The following TMEM44 variants were observed in gnomAD, a reference collection of about 807,000 sequenced individuals.
The protein encoded by TMEM44 is transmembrane protein 44.
TMEM44 carries 43 observed loss-of-function variants against 47.8 expected under a neutral mutation model. That is an observed-to-expected ratio of 0.90 (90% confidence interval 0.70 to 1.16). TMEM44 has a LOEUF of 1.16. Among genes scored for constraint, TMEM44 ranks in the 50% most tolerant of loss-of-function variants. The pLI, the probability that TMEM44 is intolerant of heterozygous loss-of-function variation, is 0.00. For synonymous variants in TMEM44, 277 were observed against 238.8 expected (o/e 1.16, Z -1.48); for missense variants, 568 against 555.2 (o/e 1.02, Z -0.23).
At chr3:194,596,951 A>C (rs1433033042) in intron 9 of TMEM44, 1 of 152,290 alleles carries the variant, frequency 6.6e-6, no homozygotes, top group African/African-American at 2.4e-5. Context: ...GAGAACAAGC[A>C]GTTGGGTTAT....
chr3:194,603,017 C>T (rs751350314), intron 9 of TMEM44, among the ~76,000 whole-genome samples: 31 of 152,306 alleles, frequency 2.0e-4, no homozygotes, highest in Non-Finnish European at 3.7e-4. Context: ...AAACTCATAA[C>T]GGAAGACAGT....
chr3:194,593,016 A>G, intron 9 of TMEM44: 5 of 1,613,598 alleles, frequency 3.1e-6, no homozygotes, highest in Non-Finnish European at 4.2e-6. Flanking sequence ...CCCTCCTGGA[A>G]GAGAAAGAGC....
chr3:194,593,268 T>G (rs1026722027), intron 9 of TMEM44, among the ~76,000 whole-genome samples: 1 of 152,100 alleles, frequency 6.6e-6, no homozygotes, highest in Non-Finnish European at 1.5e-5. Flanking sequence ...TTTAGTTAAA[T>G]GATCAATGAG....
chr3:194,620,887 C>T (rs1037142336), intron 5 of TMEM44, among the ~76,000 whole-genome samples: 1 of 151,996 alleles, frequency 6.6e-6, no homozygotes. Context: ...ATTAGCCGGG[C>T]GTGGTGGCGT....
At chr3:194,590,411 C>T (rs574676022) in intron 9 of TMEM44, among the ~76,000 whole-genome samples, 142 of 152,330 alleles carry the variant, frequency 9.3e-4, no homozygotes, top group Admixed American at 2.7e-3. Context: ...GTGAGAACAT[C>T]GCATTAACTT....
chr3:194,592,881 A>G (rs1031519878), intron 9 of TMEM44, among the ~76,000 whole-genome samples: 2 of 152,022 alleles, frequency 1.3e-5, no homozygotes, highest in African/African-American at 2.4e-5. Flanking sequence ...CCAAAGTGCT[A>G]GGATTACAGG....
At chr3:194,596,211 GT>G (rs1713391659) in intron 9 of TMEM44, among the ~76,000 whole-genome samples, 2 of 152,078 alleles carry the variant, frequency 1.3e-5, no homozygotes, top group South Asian at 2.1e-4. Flanking sequence ...GGGGTCGAGT[GT>G]TGGAAAATCC....
intron 9 of TMEM44, among the ~76,000 whole-genome samples, chr3:194,589,314 A>G (rs996649236): frequency 8.5e-5 from 13 of 152,144 alleles, no homozygotes; most frequent in Admixed American, 7.9e-4. Flanking sequence ...CCTATTCTTT[A>G]TGGGCCAGGT....
At chr3:194,623,353 G>T in intron 4 of TMEM44, 43 bp from the exon 5 acceptor site, 1 of 1,559,596 alleles carries the variant, frequency 6.4e-7, no homozygotes, top group Non-Finnish European at 8.7e-7. Context: ...ACTCTGCAGA[G>T]ACTGCCCATG....
intron 1 of TMEM44, 51 bp downstream of exon 1, chr3:194,633,028 A>G: frequency 4.8e-6 from 4 of 833,322 alleles, no homozygotes; most frequent in Non-Finnish European, 5.1e-6. Context: ...GCAGCAGGGG[A>G]TTGGCGCCCG....
At chr3:194,625,259 C>T (rs1262388735) in intron 3 of TMEM44, among the ~76,000 whole-genome samples, 1 of 152,194 alleles carries the variant, frequency 6.6e-6, no homozygotes, top group Non-Finnish European at 1.5e-5. Flanking sequence ...CTCCACACCT[C>T]CTCCTAGCCT....
Position 194,608,725 on chromosome 3 carries a change from G to A in TMEM44, c.1017+2191C>T, listed in dbSNP as rs112997383. Among the ~76,000 whole-genome samples, 481 of 152,238 alleles carry A rather than the reference G, an allele frequency of 3.2e-3. 2 individuals are homozygous for A. The highest frequency in any genetic ancestry group is 5.9e-3 in the African/African-American group (244 of 41,550). On this transcript the variant is annotated intron_variant, in intron 8 of 9. Transcript: ENST00000347147. ...AGCTAGACAGGAGTGAACAGGAGACGAGAGATGGGGTCTCGCTATGTGGTC... is the reference window on the plus strand; with the variant it reads ...AGCTAGACAGGAGTGAACAGGAGACAAGAGATGGGGTCTCGCTATGTGGTC...
At chr3:194,605,754 TCA>T (rs1382907267) in intron 8 of TMEM44, among the ~76,000 whole-genome samples, 2 of 152,208 alleles carry the variant, frequency 1.3e-5, no homozygotes, top group Non-Finnish European at 2.9e-5. Flanking sequence ...TCTCTGAGTC[TCA>T]GTTTCCTCAT....
At position 194,588,189 on chromosome 3, in the gene TMEM44, T is replaced by C. The variant is rs113095496; in HGVS notation, c.*340A>G. 13 of 245,574 alleles carry C rather than the reference T, an allele frequency of 5.3e-5. No homozygotes were observed. The highest frequency in any genetic ancestry group is 2.7e-4 in the African/African-American group (12 of 43,816). 15.2% of individuals were successfully genotyped at this position (245,574 alleles called of 1,614,324 possible). On this transcript the variant is annotated 3_prime_UTR_variant, in exon 10 of 10. Coordinates refer to ENST00000347147, the MANE Select transcript of TMEM44 (RefSeq NM_001011655.3). Reference sequence around the variant, plus strand: ...GTTAGGTGAGCTCATTCCTGGAACCTAGCAGGTATTCCGTTCATGGCTGAC... The same window carrying C: ...GTTAGGTGAGCTCATTCCTGGAACCCAGCAGGTATTCCGTTCATGGCTGAC...
chr3:194,598,893 C>A (rs1290965855), intron 9 of TMEM44, among the ~76,000 whole-genome samples: 1 of 151,972 alleles, frequency 6.6e-6, no homozygotes, highest in Admixed American at 6.6e-5. Context: ...GCCCACAGGC[C>A]CCGACAGTGG....
intron 2 of TMEM44, among the ~76,000 whole-genome samples, chr3:194,627,948 C>T (rs1717350060): frequency 6.6e-6 from 1 of 152,074 alleles, no homozygotes; most frequent in African/African-American, 2.4e-5. Flanking sequence ...CATTGCATTC[C>T]AGCCTGGGCG....
rs1255385504 is a variant in TMEM44, at chr3:194,628,465, G to A, written c.182C>T (p.Ser61Leu). The change falls in exon 2 of 10, where the codon TCG (serine) becomes TTG (leucine). Residue 61 changes from serine to leucine, a missense_variant. Coordinates refer to ENST00000347147, the MANE Select transcript of TMEM44 (RefSeq NM_001011655.3). ...RCAQKPRQDQ[S>L]ALCAACCLLT... ...GAGGCAGCACGCAGCACACAGTGCCGACTGGTCCTGTCTGGGTTTCTGTGC... is the reference window on the plus strand; with the variant it reads ...GAGGCAGCACGCAGCACACAGTGCCAACTGGTCCTGTCTGGGTTTCTGTGC... 5.8e-5 allele frequency: 94 copies of A among 1,613,472 alleles called. No homozygotes were observed. In the Admixed American group the frequency reaches 1.2e-3, roughly 21 times the overall value.
intron 9 of TMEM44, among the ~76,000 whole-genome samples, chr3:194,601,121 A>G (rs985379146): frequency 2.0e-5 from 3 of 149,762 alleles, no homozygotes; most frequent in African/African-American, 7.4e-5. Context: ...TAAGTATGTG[A>G]CCCTGTCTTC....
At chr3:194,626,664 G>A (rs1165728937) in intron 2 of TMEM44, among the ~76,000 whole-genome samples, 1 of 151,670 alleles carries the variant, frequency 6.6e-6, no homozygotes, top group African/African-American at 2.4e-5. Flanking sequence ...GGTCTGTAGT[G>A]CCAAGTATGT....
Sources: allele counts gnomAD v4.1 joint callset (sites outside exome capture counted in the v4.1 genomes callset), GRCh38; gene constraint gnomAD v4.1.1; transcripts MANE v1.5; gene names NCBI Gene and HGNC (gene_info 2026-07-23, HGNC 2026-07-21).